The following KHDRBS2 variants were observed in gnomAD, a reference collection of about 807,000 sequenced individuals.
KHDRBS2 encodes KH domain-containing, RNA-binding, signal transduction-associated protein 2.
In KHDRBS2, 26 loss-of-function variants were observed where a neutral mutation model predicts 44.3. That is an observed-to-expected ratio of 0.59 (90% confidence interval 0.43 to 0.81). The LOEUF (loss-of-function observed/expected upper bound fraction) is 0.81. KHDRBS2 is among the 40% of genes least tolerant of loss of function. KHDRBS2 has a pLI of 0.00. For synonymous variants in KHDRBS2, 194 were observed against 151.1 expected (o/e 1.28, Z -2.08); for missense variants, 476 against 433.1 (o/e 1.10, Z -0.88).
intron 6 of KHDRBS2, among the ~76,000 whole-genome samples, chr6:61,808,443 T>TA (rs1223678207): frequency 6.6e-6 from 1 of 152,124 alleles, no homozygotes; most frequent in Non-Finnish European, 1.5e-5. Flanking sequence ...TAAATACATT[T>TA]ATTACTAGAA....
chr6:62,138,419 C>A (rs1812044636), intron 2 of KHDRBS2, among the ~76,000 whole-genome samples: 1 of 152,178 alleles, frequency 6.6e-6, no homozygotes, highest in Admixed American at 6.5e-5. Context: ...GAAAATTATA[C>A]CATCAACTGT....
At chr6:62,009,243 C>A (rs1293975881) in intron 3 of KHDRBS2, among the ~76,000 whole-genome samples, 1 of 152,292 alleles carries the variant, frequency 6.6e-6, no homozygotes. Context: ...AGCAAAGAGA[C>A]TGGTGGCATT....
intron 4 of KHDRBS2, among the ~76,000 whole-genome samples, chr6:61,969,770 AGTGAAATTGG>A (rs1417421358): frequency 1.3e-5 from 2 of 152,040 alleles, no homozygotes; most frequent in Non-Finnish European, 2.9e-5. Context: ...AGACAAGACC[AGTGAAATTGG>A]GTGAAATTAT....
chr6:61,799,763 T>A (rs1434938881), intron 6 of KHDRBS2, among the ~76,000 whole-genome samples: 1 of 152,048 alleles, frequency 6.6e-6, no homozygotes, highest in African/African-American at 2.4e-5. Flanking sequence ...AAAGAGGAGA[T>A]TGAAGGATAA....
At chr6:61,746,043 TTTTAG>T (rs370422384) in intron 6 of KHDRBS2, among the ~76,000 whole-genome samples, 4,598 of 144,924 alleles carry the variant, frequency 0.032, 210 homozygotes, top group African/African-American at 0.1. Flanking sequence ...TTTTATTTTA[TTTTAG>T]TTTAGTTTAG....
At chr6:62,048,050 G>T (rs967798346) in intron 2 of KHDRBS2, 56 bp from the exon 3 acceptor site, 1 of 966,476 alleles carries the variant, frequency 1.0e-6, no homozygotes, top group South Asian at 1.3e-5. Flanking sequence ...GTGATTATTT[G>T]CACCAAGAGT....
the KHDRBS2 span, among the ~76,000 whole-genome samples, chr6:61,648,360 G>A: frequency 6.6e-6 from 1 of 152,034 alleles, no homozygotes; most frequent in Non-Finnish European, 1.5e-5. Flanking sequence ...TGAGAAGAAA[G>A]AATGGATAGT....
At chr6:61,881,089 G>C (rs1423792728) in intron 6 of KHDRBS2, among the ~76,000 whole-genome samples, 4 of 151,828 alleles carry the variant, frequency 2.6e-5, no homozygotes, top group Admixed American at 2.6e-4. Flanking sequence ...ATATGTACTT[G>C]ACATAAGGGC....
intron 2 of KHDRBS2, among the ~76,000 whole-genome samples, chr6:62,061,188 T>A (rs1791755526): frequency 6.6e-6 from 1 of 151,832 alleles, no homozygotes; most frequent in Non-Finnish European, 1.5e-5. Flanking sequence ...GAGTTAATAT[T>A]GTTATGTGTG....
At chr6:61,848,481 A>C (rs1794763901) in intron 6 of KHDRBS2, among the ~76,000 whole-genome samples, 1 of 52,172 alleles carries the variant, frequency 1.9e-5, no homozygotes, top group Non-Finnish European at 3.3e-5. Context: ...ATATATATAT[A>C]TATATATATG....
At chr6:61,956,775 A>G (rs1047605329) in intron 4 of KHDRBS2, among the ~76,000 whole-genome samples, 1 of 152,144 alleles carries the variant, frequency 6.6e-6, no homozygotes, top group Non-Finnish European at 1.5e-5. Flanking sequence ...CCAAAACACA[A>G]AAAGTATCTG....
At chr6:62,081,319 G>A (rs551216749) in intron 2 of KHDRBS2, among the ~76,000 whole-genome samples, 6 of 152,076 alleles carry the variant, frequency 3.9e-5, no homozygotes, top group African/African-American at 1.4e-4. Flanking sequence ...TGTAGCTGGA[G>A]GGTCTTGGAA....
At chr6:61,899,058 T>C (rs1000049020) in intron 5 of KHDRBS2, among the ~76,000 whole-genome samples, 1 of 151,934 alleles carries the variant, frequency 6.6e-6, no homozygotes, top group Non-Finnish European at 1.5e-5. Flanking sequence ...TTTTCTTTTA[T>C]AACATTGATT....
intron 4 of KHDRBS2, among the ~76,000 whole-genome samples, chr6:61,955,646 GTATGTATGCATATATGTGTA>G (rs1431864495): frequency 2.8e-5 from 4 of 144,826 alleles, no homozygotes; most frequent in African/African-American, 7.6e-5. Context: ...ATACACGTAT[GTATGTATGCATATATGTGTA>G]TATGTACACA....
intron 1 of KHDRBS2, among the ~76,000 whole-genome samples, chr6:62,215,173 G>T (rs1829768642): frequency 1.3e-5 from 2 of 151,726 alleles, no homozygotes; most frequent in African/African-American, 4.8e-5. Context: ...TACTGTAAAA[G>T]AAACTAAAAA....
intron 2 of KHDRBS2, among the ~76,000 whole-genome samples, chr6:62,086,306 G>A (rs1421428118): frequency 6.6e-6 from 1 of 152,156 alleles, no homozygotes; most frequent in African/African-American, 2.4e-5. Flanking sequence ...GATTCTGTCT[G>A]AATAGCAAAT....
chr6:62,045,685 T>C (rs892492082), intron 3 of KHDRBS2, among the ~76,000 whole-genome samples: 9 of 152,046 alleles, frequency 5.9e-5, no homozygotes, highest in African/African-American at 1.7e-4. Context: ...TTCACACATA[T>C]ACACTTTTAT....
At chr6:61,884,948 A>G (rs575360921) in intron 6 of KHDRBS2, among the ~76,000 whole-genome samples, 1 of 152,178 alleles carries the variant, frequency 6.6e-6, no homozygotes, top group African/African-American at 2.4e-5. Context: ...ATAATTTTGC[A>G]TTCCTTCTTT....
chr6:61,848,189 GT>G (rs1338024601), intron 6 of KHDRBS2, among the ~76,000 whole-genome samples: 1 of 151,626 alleles, frequency 6.6e-6, no homozygotes, highest in Non-Finnish European at 1.5e-5. Flanking sequence ...TGGGGAAGTG[GT>G]TTCAGGAAAC....
Sources: gnomAD v4.1 joint callset for allele counts (sites outside exome capture counted in the v4.1 genomes callset) on GRCh38, gnomAD v4.1.1 for gene constraint, MANE v1.5 for transcripts, NCBI Gene and HGNC (gene_info 2026-07-23, HGNC 2026-07-21) for gene names.